FBXL12: variants seen among roughly 807,000 people sequenced by gnomAD.
FBXL12 encodes F-box and leucine rich repeat protein 12.
FBXL12 carries 22 observed loss-of-function variants against 24.9 expected under a neutral mutation model. The observed-to-expected ratio is 0.88, with a 90% CI of 0.63 to 1.26. The LOEUF is 1.26. FBXL12 is among the 50% of genes most tolerant of loss of function. FBXL12 has a pLI of 0.00. For synonymous variants in FBXL12, 193 were observed against 193.8 expected, an observed-to-expected ratio of 1.00 and a Z score of 0.03; for missense variants, 384 against 434.1, an observed-to-expected ratio of 0.88 and a Z score of 1.03.
chr19:9,818,092 GT>G, intron 2 of FBXL12: 1 of 383,802 alleles, frequency 2.6e-6, no homozygotes, highest in Non-Finnish European at 4.6e-6. Context: ...AGCGCCCGTG[GT>G]TCCAGCTACT....
rs201429563 is a variant in FBXL12, at chr19:9,811,335, A to C, written c.542T>G (p.Leu181Arg). ...CACACGGTAGGTACCACCCAGCACC[A>C]GCGAGCGCAAGGCCCGGAAGCGCGT... The part of the protein sequence containing the change: ...GLTRFRALRS[L>R]VLGGTYRVTE... The change falls in exon 3 of 3, where the codon CTG (leucine) becomes CGG (arginine). Residue 181 changes from leucine to arginine, a missense_variant. Transcript: ENST00000247977. This position sits in a 1 kb window ranked among gnomAD's most constrained non-coding sequence, Gnocchi z 6.0. 2 of 1,609,778 alleles carry C rather than the reference A, an allele frequency of 1.2e-6. No homozygotes were observed. Among genetic ancestry groups the C allele is most frequent in the Non-Finnish European group, 1.7e-6 (2 of 1,179,952 alleles).
chr19:9,815,326 C>G (rs996308213), intron 2 of FBXL12, among the ~76,000 whole-genome samples: 1 of 152,228 alleles, frequency 6.6e-6, no homozygotes. Flanking sequence ...GCCAGCTCCG[C>G]CCCTTGTGGC....
intron 2 of FBXL12, chr19:9,813,502 AT>A (rs1298019169): frequency 0.068 from 10,404 of 153,376 alleles, no homozygotes; most frequent in Middle Eastern, 0.14. Flanking sequence ...TGCCCGGCTA[AT>A]TTTTTTTTTT....
chr19:9,815,690 T>G (rs1301179788), intron 2 of FBXL12, among the ~76,000 whole-genome samples: 1 of 151,960 alleles, frequency 6.6e-6, no homozygotes, highest in African/African-American at 2.4e-5. Flanking sequence ...GTTTCGCTCT[T>G]GTCACCCAGG....
At chr19:9,815,295 A>C (rs2045855575) in intron 2 of FBXL12, among the ~76,000 whole-genome samples, 1 of 152,218 alleles carries the variant, frequency 6.6e-6, no homozygotes, top group Admixed American at 6.5e-5. Flanking sequence ...CTGATGCAAG[A>C]GGTGGGTTCC....
chr19:9,816,053 G>A (rs944966441), intron 2 of FBXL12, among the ~76,000 whole-genome samples: 5 of 152,128 alleles, frequency 3.3e-5, no homozygotes, highest in South Asian at 2.1e-4. Flanking sequence ...CGAGTTATAC[G>A]TTGGCCCCTT....
intron 2 of FBXL12, chr19:9,818,147 G>A (rs1037767778): frequency 9.9e-5 from 40 of 402,816 alleles, no homozygotes; most frequent in Admixed American, 4.3e-5. Context: ...GGGAGGTCGA[G>A]GCTGCAATCG....
At chr19:9,817,223 GA>G (rs2045905784) in intron 2 of FBXL12, among the ~76,000 whole-genome samples, 1 of 152,224 alleles carries the variant, frequency 6.6e-6, no homozygotes, top group Non-Finnish European at 1.5e-5. Context: ...TTGAGCCCAG[GA>G]GATGGAGGTT....
In FBXL12 at chr19:9,810,959, C is replaced by T. The variant is rs974815281; in HGVS notation, c.918G>A (p.Gly306=). The change falls in exon 3 of 3, where the codon GGG becomes GGA. Residue 306 remains glycine (G), a synonymous_variant. Transcript: ENST00000247977. ...TGACGATGACCATACAGTGGGGCAG[C>T]CCCTTACACAGGATCTTCTCCGCCT... ...GQEAEKILCK[G]LPHCMVIVRA... The T allele has an allele frequency of 1.2e-6, 2 of 1,611,428 alleles. No individual in the cohort carries two copies. The highest frequency in any genetic ancestry group is 1.7e-4 in the Middle Eastern group (1 of 5,826).
At chr19:9,812,915 A>C (rs1345528723) in intron 2 of FBXL12, among the ~76,000 whole-genome samples, 1 of 152,130 alleles carries the variant, frequency 6.6e-6, no homozygotes, top group Non-Finnish European at 1.5e-5. Context: ...CTCTACTAAA[A>C]ATACAAAATT....
rs1599418713 is a variant in FBXL12 at position 9,810,764 on chromosome 19, A to G, written c.*132T>C. On this transcript the variant is annotated 3_prime_UTR_variant, in exon 3 of 3. Transcript: ENST00000247977. ...TGATTCCAATGGTCTGGAGGTCCCT[A>G]GGCCTCTGTTCTCTCAACCTGGGGC... The G allele has an allele frequency of 1.5e-6, 1 of 671,348 alleles. No homozygotes were observed. The highest frequency in any genetic ancestry group is 2.7e-5 in the East Asian group (1 of 36,484). The allele number at this position is 671,348 out of a possible 1,614,324, so 41.6% of individuals were successfully genotyped here.
chr19:9,813,332 GTTTCT>G (rs979460607), intron 2 of FBXL12: 7 of 1,068,948 alleles, frequency 6.5e-6, no homozygotes, highest in Non-Finnish European at 7.1e-6. Context: ...TTACAAAGGT[GTTTCT>G]TTTCTTTTCT....
chr19:9,810,829 G>T lies in FBXL12; in HGVS notation c.*67C>A. The T allele has an allele frequency of 7.6e-7, 1 of 1,308,424 alleles. No individual in the cohort carries two copies. Among genetic ancestry groups the T allele is most frequent in the Non-Finnish European group, 1.1e-6 (1 of 946,616 alleles). The allele number at this position is 1,308,424 out of a possible 1,614,324, so 81.1% of individuals were successfully genotyped here. A position where few individuals can be genotyped will look rare whatever the true frequency, so the allele number is the denominator to read the frequency against. On this transcript the variant is annotated 3_prime_UTR_variant, in exon 3 of 3. Coordinates refer to ENST00000247977, the MANE Select transcript of FBXL12 (RefSeq NM_017703.3). ...AGTCTGATTATCTGCCCTCTTCAAGGTGCTGCTCAGAGGGTCTGGGGCTCA... is the reference window on the plus strand; with the variant it reads ...AGTCTGATTATCTGCCCTCTTCAAGTTGCTGCTCAGAGGGTCTGGGGCTCA...
Position 9,818,818 on chromosome 19 carries a change from C to T in FBXL12, c.-5G>A. 1 of 1,549,236 alleles carries T rather than the reference C, an allele frequency of 6.5e-7. No individual in the cohort carries two copies. On this transcript the variant is annotated 5_prime_UTR_variant, in exon 1 of 3. Coordinates refer to ENST00000247977, the MANE Select transcript of FBXL12 (RefSeq NM_017703.3). ...CAGTTCGACCAAAGTCGCCATGATC[C>T]CGCCGACACGCACTTCCGCTTCCGG...
At position 9,817,954 on chromosome 19, in the gene FBXL12, C is replaced by T. The variant is rs182331148; in HGVS notation, c.159+591G>A. On this transcript the variant is annotated intron_variant, in intron 2 of 2. Transcript: ENST00000247977. ...TTGAGCCAGTTGCTGTGGCTCATGCCTGTAATCTGAACACTTTGGGAGGCT... is the reference window on the plus strand; with the variant it reads ...TTGAGCCAGTTGCTGTGGCTCATGCTTGTAATCTGAACACTTTGGGAGGCT... Among the ~76,000 whole-genome samples the T allele has an allele frequency of 1.8e-4, 28 of 152,312 alleles. No individual in the cohort carries two copies. The East Asian group carries it at 5.4e-3, about 29-fold the overall frequency.
At chr19:9,818,397 T>C in intron 2 of FBXL12, 148 bp downstream of exon 2, 1 of 799,138 alleles carries the variant, frequency 1.3e-6, no homozygotes, top group East Asian at 2.7e-5. Flanking sequence ...GAGGAGCTGG[T>C]AAGCGATGAT....
chr19:9,818,972 C>A lies in FBXL12; in HGVS notation c.-159G>T. The A allele has an allele frequency of 8.7e-6, 6 of 690,272 alleles. No individual in the cohort carries two copies. In the South Asian group the frequency reaches 1.1e-4, roughly 13 times the overall value. The allele number at this position is 690,272 out of a possible 1,614,324, so 42.8% of individuals were successfully genotyped here. A position where few individuals can be genotyped will look rare whatever the true frequency, so the allele number is the denominator to read the frequency against. On this transcript the variant is annotated 5_prime_UTR_variant, in exon 1 of 3. Transcript: ENST00000247977. Reference sequence around the variant, plus strand: ...AAGTGATTCGGTCCCAGGGCCGGACCAGCCGCGGATGGGGACCAGAAACCA... The same window carrying A: ...AAGTGATTCGGTCCCAGGGCCGGACAAGCCGCGGATGGGGACCAGAAACCA...
chr19:9,812,346 C>T (rs1377265753), intron 2 of FBXL12, among the ~76,000 whole-genome samples: 1 of 151,890 alleles, frequency 6.6e-6, no homozygotes, highest in African/African-American at 2.4e-5. Flanking sequence ...GCCTGGCCAA[C>T]ATGGTGAAAC....
intron 2 of FBXL12, among the ~76,000 whole-genome samples, chr19:9,812,734 T>C (rs1426745207): frequency 8.0e-6 from 1 of 124,940 alleles, no homozygotes; most frequent in African/African-American, 3.2e-5. Flanking sequence ...AGCCGAAAAC[T>C]ACCCAGAGTA....
Sources: allele counts gnomAD v4.1 joint callset (sites outside exome capture counted in the v4.1 genomes callset), GRCh38; gene constraint gnomAD v4.1.1; non-coding constraint Gnocchi (gnomAD v3.1); transcripts MANE v1.5; gene names NCBI Gene and HGNC (gene_info 2026-07-23, HGNC 2026-07-21).